The following ANKAR variants were observed in gnomAD, a reference collection of about 807,000 sequenced individuals.
ANKAR encodes the protein ankyrin and armadillo repeat containing.
In ANKAR, 136 loss-of-function variants were observed where a neutral mutation model predicts 146.2. That is an observed-to-expected ratio of 0.93 (90% CI 0.81 to 1.07). The LOEUF is 1.07. ANKAR is among the 50% of genes least tolerant of loss of function. The pLI is 0.00. For synonymous variants in ANKAR, 500 were observed against 575.8 expected (o/e 0.87, Z 1.88); for missense variants, 1,567 against 1,679.9 (o/e 0.93, Z 1.18).
At chr2:189,747,653 A>G, downstream of ANKAR, among the ~76,000 whole-genome samples, 1 of 152,108 alleles carries the variant, frequency 6.6e-6, no homozygotes, top group Non-Finnish European at 1.5e-5. Flanking sequence ...ATATGATACA[A>G]ACACCTGGCT....
chr2:189,712,248 C>T (rs370312025), intron 10 of ANKAR, among the ~76,000 whole-genome samples: 10 of 152,324 alleles, frequency 6.6e-5, no homozygotes, highest in African/African-American at 1.9e-4. Context: ...AGCAGTGGTT[C>T]TCCCAGCATG....
At chr2:189,713,349 T>C (rs1248196703) in intron 10 of ANKAR, among the ~76,000 whole-genome samples, 1 of 151,846 alleles carries the variant, frequency 6.6e-6, no homozygotes, top group Non-Finnish European at 1.5e-5. Context: ...AAAGAAAAAA[T>C]GTTAAGGGCA....
At chr2:189,729,510 TCC>T (rs2042197353) in intron 15 of ANKAR, among the ~76,000 whole-genome samples, 1 of 152,158 alleles carries the variant, frequency 6.6e-6, no homozygotes, top group South Asian at 2.1e-4. Context: ...CATTCACAAT[TCC>T]AAGATAATCA....
chr2:189,742,837 CACACACACACACACATTAGAATTACCTG>C (rs201199843), intron 20 of ANKAR, among the ~76,000 whole-genome samples: 4,713 of 44,510 alleles, frequency 0.11, 409 homozygotes, highest in South Asian at 0.33. Flanking sequence ...TTACCTGACA[CACACACACACACACATTAGAATTACCTG>C]ACACACACAC....
rs2105834537 is a variant in ANKAR, at chr2:189,728,837, C to G, written c.3193+16C>G. 4.4e-6 allele frequency: 7 copies of G among 1,597,702 alleles called. No homozygotes were observed. Among genetic ancestry groups the G allele is most frequent in the Non-Finnish European group, 6.0e-6 (7 of 1,170,022 alleles). ...ATTTGTATTGGTTTGTATACTTATT[C>G]TCAATTTCTTAAATATCTGTAAGAA... On this transcript the variant is annotated intron_variant, in intron 15 of 22. Transcript: ENST00000684021.
At chr2:189,709,909 A>G (rs1267619787) in intron 9 of ANKAR, among the ~76,000 whole-genome samples, 1 of 152,204 alleles carries the variant, frequency 6.6e-6, no homozygotes, top group Non-Finnish European at 1.5e-5. Flanking sequence ...AAAGCGCATA[A>G]AAATTCACCA....
rs547466812 is a variant in ANKAR at position 189,745,725 on chromosome 2, C to T, written c.4058-655C>T. On this transcript the variant is annotated intron_variant, in intron 22 of 22. Transcript: ENST00000684021. ...ACATTCAGAAGTCAAGATCAGTTTG[C>T]TAGAGTCACAAACAGAAAGGAAGAG... is the stretch of plus-strand genomic sequence containing the variant. Among the ~76,000 whole-genome samples the T allele has an allele frequency of 4.7e-3, 712 of 152,108 alleles. 10 individuals are homozygous for T. The highest frequency in any genetic ancestry group is 7.6e-3 in the Non-Finnish European group (515 of 67,966).
Position 189,727,962 on chromosome 2 carries a change from T to C in ANKAR, c.2742T>C (p.Ala914=), listed in dbSNP as rs765865201. Residue 914 remains alanine (A), a synonymous_variant, in exon 13 of 23, where the codon GCT becomes GCC. Transcript: ENST00000684021. The part of the protein sequence containing the change: ...AMEGAIPPLV[A]LFKGKQISVQ... ...AGGGAGCGATTCCTCCTCTGGTGGC[T>C]CTTTTTAAAGGGAAACAAATTAGTG... 19 of 1,613,972 alleles carry C rather than the reference T, an allele frequency of 1.2e-5. No individual in the cohort carries two copies. The African/African-American group carries it at 2.4e-4, about 20-fold the overall frequency.
chr2:189,691,720 A>G (rs1419562780), intron 3 of ANKAR, among the ~76,000 whole-genome samples: 4 of 149,116 alleles, frequency 2.7e-5, no homozygotes. Flanking sequence ...AGATATATAT[A>G]TATATAATAT....
chr2:189,761,794 G>A (rs1244527402), downstream of ANKAR: 2 of 813,526 alleles, frequency 2.5e-6, no homozygotes, highest in Non-Finnish European at 3.5e-6. Context: ...ATAGCAACAT[G>A]GGAATATAAA....
At position 189,755,584 on chromosome 2, in the gene ANKAR, T is replaced by A. The variant is rs756662240; in HGVS notation, c.*585-5514T>A. On this transcript the variant is annotated intron_variant and NMD_transcript_variant, in intron 18 of 18. Coordinates refer to the ANKAR transcript ENST00000441800. ...TTCTGAAAGAAAGAAAGACAGCATT[T>A]TGTAGTTTTAAGATTGTAAAAATGA... is the stretch of plus-strand genomic sequence containing the variant. 1.3e-5 allele frequency: 20 copies of A among 1,572,704 alleles called. No individual in the cohort carries two copies. The Admixed American group carries it at 4.0e-4, about 31-fold the overall frequency.
intron 10 of ANKAR, among the ~76,000 whole-genome samples, chr2:189,715,108 A>G (rs985236419): frequency 8.5e-5 from 13 of 152,152 alleles, no homozygotes; most frequent in African/African-American, 3.1e-4. Context: ...ACTGAAGGAG[A>G]TAGAGACACA....
Position 189,699,568 on chromosome 2 carries a change from TATGTCATTCATTTCATAA to T in ANKAR, c.1708+3215_1708+3232del, listed in dbSNP as rs550353669. Among the ~76,000 whole-genome samples the T allele has an allele frequency of 1.1e-4, 16 of 152,336 alleles. No homozygotes were observed. In the East Asian group the frequency reaches 1.3e-3, roughly 13 times the overall value. On this transcript the variant is annotated intron_variant, in intron 7 of 22. Transcript: ENST00000684021. ...CATTTCACTTGTGCATAAGCATATA[TATGTCATTCATTTCATAA>T]ATGTCATTCATTTCACTTATGCATA... is the stretch of plus-strand genomic sequence containing the variant.
intron 2 of ANKAR, among the ~76,000 whole-genome samples, chr2:189,686,965 GT>G (rs1362370219): frequency 6.6e-6 from 1 of 151,968 alleles, no homozygotes; most frequent in African/African-American, 2.4e-5. Context: ...CTTTCTTTGT[GT>G]TACAGACAAT....
intron 13 of ANKAR, 29 bp from the exon 14 acceptor site, chr2:189,728,238 C>T (rs762731285): frequency 3.2e-6 from 5 of 1,564,488 alleles, no homozygotes; most frequent in Admixed American, 4.0e-5. Flanking sequence ...TAAATGTTCA[C>T]TGAATTAATG....
chr2:189,738,094 G>A (rs2043010926), intron 18 of ANKAR, among the ~76,000 whole-genome samples: 1 of 152,078 alleles, frequency 6.6e-6, no homozygotes, highest in South Asian at 2.1e-4. Flanking sequence ...AAGCCTGTAA[G>A]GTTGACAATC....
chr2:189,742,953 CACACACACACACACACACACACACACA>C (rs2043569912), intron 20 of ANKAR, among the ~76,000 whole-genome samples: 2 of 143,542 alleles, frequency 1.4e-5, no homozygotes, highest in African/African-American at 2.7e-5. Flanking sequence ...CACACACACA[CACACACACACACACACACACACACACA>C]CCCCTGAAAG....
At chr2:189,708,097 A>G (rs2039209018) in intron 9 of ANKAR, among the ~76,000 whole-genome samples, 1 of 152,218 alleles carries the variant, frequency 6.6e-6, no homozygotes, top group Non-Finnish European at 1.5e-5. Flanking sequence ...TTCAAGGAAG[A>G]CAGCAAGGGG....
chr2:189,692,113 T>C lies in ANKAR; in HGVS notation c.1040-142T>C, dbSNP rs769844754. 287 of 649,582 alleles carry C rather than the reference T, an allele frequency of 4.4e-4. 1 individual carries two copies. Among genetic ancestry groups the C allele is most frequent in the Non-Finnish European group, 9.6e-5 (38 of 395,408 alleles). 40.2% of individuals were successfully genotyped at this position (649,582 alleles called of 1,614,324 possible). On this transcript the variant is annotated intron_variant, in intron 3 of 22. Coordinates refer to ENST00000684021, the MANE Select transcript of ANKAR (RefSeq NM_001378068.1). ...TTATATACATTAACAGCATAAATAATTTTATGCACTATAATTGCCAAGATT... is the reference window on the plus strand; with the variant it reads ...TTATATACATTAACAGCATAAATAACTTTATGCACTATAATTGCCAAGATT...
Sources: gnomAD v4.1 joint callset for allele counts (sites outside exome capture counted in the v4.1 genomes callset) on GRCh38, gnomAD v4.1.1 for gene constraint, MANE v1.5 for transcripts, NCBI Gene and HGNC (gene_info 2026-07-23, HGNC 2026-07-21) for gene names.